ZNF804B: variants seen among roughly 807,000 people sequenced by gnomAD.
The protein encoded by ZNF804B is zinc finger protein 804B.
In ZNF804B, 80 loss-of-function variants were observed where a neutral mutation model predicts 101.4. The ratio of observed to expected loss-of-function variants is 0.79; its 90% CI spans 0.66 to 0.95. The LOEUF is 0.95. Among genes scored for constraint, ZNF804B ranks in the 40% least tolerant of loss-of-function variants. ZNF804B has a pLI of 0.00. For missense variants in ZNF804B, 1,673 were observed against 1,561.9 expected (o/e 1.07, Z -1.20); for synonymous variants, 622 against 558.8 (o/e 1.11, Z -1.59).
chr7:88,916,869 G>T, intron 1 of ZNF804B, among the ~76,000 whole-genome samples: 1 of 152,286 alleles, frequency 6.6e-6, no homozygotes, highest in East Asian at 1.9e-4. Context: ...GTACTTAAGA[G>T]TGTTAATAGT....
At chr7:89,124,252 A>G (rs750513720) in intron 1 of ZNF804B, among the ~76,000 whole-genome samples, 1 of 152,148 alleles carries the variant, frequency 6.6e-6, no homozygotes, top group African/African-American at 2.4e-5. Flanking sequence ...AAAAAGATTC[A>G]AAGCCAGTCA....
At chr7:89,283,238 C>T (rs1169940265) in intron 2 of ZNF804B, among the ~76,000 whole-genome samples, 2 of 151,874 alleles carry the variant, frequency 1.3e-5, no homozygotes, top group African/African-American at 4.8e-5. Flanking sequence ...AGAAGAATCT[C>T]TAAAACTGAC....
At chr7:88,912,652 T>G (rs2115978517) in intron 1 of ZNF804B, among the ~76,000 whole-genome samples, 1 of 152,286 alleles carries the variant, frequency 6.6e-6, no homozygotes, top group Middle Eastern at 3.4e-3. Context: ...TTGTGAGTTT[T>G]TAAAGCAAAT....
At chr7:88,780,443 C>G (rs1251524331) in intron 1 of ZNF804B, among the ~76,000 whole-genome samples, 2 of 133,560 alleles carry the variant, frequency 1.5e-5, no homozygotes, top group Non-Finnish European at 3.0e-5. Context: ...GGAGGGAGTG[C>G]AGTGGCATGA....
At chr7:88,981,520 G>T (rs1793694792) in intron 1 of ZNF804B, among the ~76,000 whole-genome samples, 1 of 152,044 alleles carries the variant, frequency 6.6e-6, no homozygotes, top group Non-Finnish European at 1.5e-5. Flanking sequence ...TCACTGGGTT[G>T]CATGTACTCC....
At chr7:88,972,741 G>A (rs1793555969) in intron 1 of ZNF804B, among the ~76,000 whole-genome samples, 1 of 150,698 alleles carries the variant, frequency 6.6e-6, no homozygotes, top group Non-Finnish European at 1.5e-5. Context: ...AGATTACTGA[G>A]TCTGACAAAA....
intron 1 of ZNF804B, among the ~76,000 whole-genome samples, chr7:88,970,344 G>GCCCCCCCCC (rs3034350): frequency 4.2e-5 from 6 of 144,058 alleles, no homozygotes; most frequent in East Asian, 2.2e-4. Flanking sequence ...TTATTCTGAT[G>GCCCCCCCCC]CCCCCCCCCC....
intron 1 of ZNF804B, among the ~76,000 whole-genome samples, chr7:88,874,536 C>T (rs1009794765): frequency 1.3e-5 from 2 of 151,942 alleles, no homozygotes; most frequent in Non-Finnish European, 2.9e-5. Flanking sequence ...AGAGAGCATC[C>T]CTGTCTTGTG....
chr7:88,782,303 T>C (rs539664501), intron 1 of ZNF804B, among the ~76,000 whole-genome samples: 2 of 152,014 alleles, frequency 1.3e-5, no homozygotes, highest in Non-Finnish European at 2.9e-5. Flanking sequence ...AGGGAGGACA[T>C]AATTAATAGA....
chr7:89,066,849 G>T (rs1458368690), intron 1 of ZNF804B, among the ~76,000 whole-genome samples: 1 of 151,738 alleles, frequency 6.6e-6, no homozygotes, highest in Non-Finnish European at 1.5e-5. Context: ...CGCAACCTCC[G>T]CCTCCTGGGT....
At chr7:88,937,870 TGA>T (rs757177813) in intron 1 of ZNF804B, among the ~76,000 whole-genome samples, 24 of 151,828 alleles carry the variant, frequency 1.6e-4, no homozygotes, top group Non-Finnish European at 2.4e-4. Context: ...AGAGAGAGAT[TGA>T]GAGAGGTATG....
intron 2 of ZNF804B, among the ~76,000 whole-genome samples, chr7:89,266,407 G>A (rs1319861853): frequency 6.6e-6 from 1 of 152,066 alleles, no homozygotes; most frequent in East Asian, 1.9e-4. Flanking sequence ...AAATTTCCAA[G>A]TAGCAGCATT....
chr7:88,872,932 GTGT>G (rs1791861137), intron 1 of ZNF804B, among the ~76,000 whole-genome samples: 1 of 151,772 alleles, frequency 6.6e-6, no homozygotes, highest in Non-Finnish European at 1.5e-5. Context: ...ATAAATATAC[GTGT>G]GCATGTGTCT....
intron 2 of ZNF804B, among the ~76,000 whole-genome samples, chr7:89,275,996 G>T (rs1789974629): frequency 6.6e-6 from 1 of 151,858 alleles, no homozygotes; most frequent in Admixed American, 6.6e-5. Context: ...CCATAAAAAG[G>T]AATGAGAGCG....
At position 88,985,668 on chromosome 7, in the gene ZNF804B, C is replaced by T. The variant is rs181719256; in HGVS notation, c.108+225584C>T. Among the ~76,000 whole-genome samples, 465 of 152,176 alleles carry T rather than the reference C, an allele frequency of 3.1e-3. 7 individuals carry two copies. The highest frequency in any genetic ancestry group is 0.011 in the African/African-American group (441 of 41,542). On this transcript the variant is annotated intron_variant, in intron 1 of 3. Transcript: ENST00000333190. ...AGCCACAAACATTTAAGCTGTAAAACGTTAGCTCCTCCTTTAATGGAAAGA... is the reference window on the plus strand; with the variant it reads ...AGCCACAAACATTTAAGCTGTAAAATGTTAGCTCCTCCTTTAATGGAAAGA...
intron 1 of ZNF804B, among the ~76,000 whole-genome samples, chr7:88,861,547 T>G (rs540336639): frequency 3.3e-5 from 5 of 152,334 alleles, no homozygotes; most frequent in African/African-American, 1.2e-4. Context: ...GGGAAACTAC[T>G]ACATATTTTT....
intron 1 of ZNF804B, among the ~76,000 whole-genome samples, chr7:89,061,849 G>T (rs190420545): frequency 6.6e-6 from 1 of 152,162 alleles, no homozygotes; most frequent in Admixed American, 6.6e-5. Context: ...AACTTAGTGT[G>T]TTCTCAAATT....
At chr7:88,816,201 T>A (rs753252210) in intron 1 of ZNF804B, among the ~76,000 whole-genome samples, 1 of 152,114 alleles carries the variant, frequency 6.6e-6, no homozygotes, top group Non-Finnish European at 1.5e-5. Context: ...TTACACTGGG[T>A]TCCAAATCCC....
chr7:89,107,504 C>T (rs910133780), intron 1 of ZNF804B, among the ~76,000 whole-genome samples: 19 of 152,212 alleles, frequency 1.2e-4, no homozygotes, highest in Middle Eastern at 3.4e-3. Context: ...AGGAATTATC[C>T]GTAGCTGAGA....
Sources: gnomAD v4.1 joint callset for allele counts (sites outside exome capture counted in the v4.1 genomes callset) on GRCh38, gnomAD v4.1.1 for gene constraint, MANE v1.5 for transcripts, NCBI Gene and HGNC (gene_info 2026-07-23, HGNC 2026-07-21) for gene names.